The following LRP1B variants were observed in gnomAD, a reference collection of about 807,000 sequenced individuals.
The protein encoded by LRP1B is LDL receptor related protein 1B, also known as low-density lipoprotein receptor-related protein 1B.
In LRP1B, 217 loss-of-function variants were observed where a neutral mutation model predicts 556.6. That is an observed-to-expected ratio of 0.39 (90% CI 0.35 to 0.44). The LOEUF (loss-of-function observed/expected upper bound fraction) is 0.44, where lower values mean the gene tolerates loss of function less well. LRP1B is among the 20% of genes least tolerant of loss of function. The pLI is 1.00. For missense variants in LRP1B, 5,053 were observed against 5,620.8 expected (o/e 0.90, Z 3.23); for synonymous variants, 2,047 against 1,865.8 (o/e 1.10, Z -2.50).
intron 1 of LRP1B, among the ~76,000 whole-genome samples, chr2:141,876,206 A>G (rs547378288): frequency 6.6e-6 from 1 of 152,122 alleles, no homozygotes; most frequent in East Asian, 1.9e-4. Flanking sequence ...GCTTAGCTAG[A>G]AAGTTTGAGC....
At chr2:140,981,205 C>T (rs1179573153) in intron 18 of LRP1B, among the ~76,000 whole-genome samples, 4 of 151,586 alleles carry the variant, frequency 2.6e-5, no homozygotes, top group Admixed American at 2.0e-4. Flanking sequence ...AATAACTTAC[C>T]CATATAACCA....
intron 27 of LRP1B, among the ~76,000 whole-genome samples, chr2:140,855,319 C>T (rs1277743225): frequency 1.8e-4 from 1 of 5,596 alleles, no homozygotes; most frequent in East Asian, 0.033. Context: ...CCCTGCATTA[C>T]ATACAGTTGT....
chr2:140,626,786 A>G (rs1683679089), intron 41 of LRP1B, among the ~76,000 whole-genome samples: 1 of 151,536 alleles, frequency 6.6e-6, no homozygotes, highest in Non-Finnish European at 1.5e-5. Flanking sequence ...ATAAAAGATT[A>G]ATATATAAAA....
chr2:141,751,082 G>T lies in LRP1B; in HGVS notation c.205+59197C>A, dbSNP rs553762255. ...ATTTTTAACTCTCCCTTTCTGCAGA[G>T]AAAAAAAAGCTTTATTTATTTTTGT... On this transcript the variant is annotated intron_variant, in intron 2 of 90. Coordinates refer to ENST00000389484, the MANE Select transcript of LRP1B (RefSeq NM_018557.3). Among the ~76,000 whole-genome samples, 7 of 150,970 alleles carry T rather than the reference G, an allele frequency of 4.6e-5. No individual in the cohort carries two copies. In the South Asian group the frequency reaches 6.3e-4, roughly 14 times the overall value.
chr2:141,553,668 CAT>C (rs1396119301), intron 2 of LRP1B, among the ~76,000 whole-genome samples: 3 of 141,938 alleles, frequency 2.1e-5, no homozygotes, highest in Non-Finnish European at 3.0e-5. Flanking sequence ...TTATATATAA[CAT>C]ATAGATATAT....
intron 5 of LRP1B, among the ~76,000 whole-genome samples, chr2:141,244,714 T>G (rs1177794308): frequency 6.6e-6 from 1 of 152,112 alleles, no homozygotes; most frequent in Non-Finnish European, 1.5e-5. Flanking sequence ...AAACAGGCAG[T>G]TTTTCTCTTA....
chr2:140,267,088 T>C (rs1682239085), intron 86 of LRP1B, among the ~76,000 whole-genome samples: 1 of 152,044 alleles, frequency 6.6e-6, no homozygotes, highest in Non-Finnish European at 1.5e-5. Context: ...ATAATAATAC[T>C]ACTTATGTGT....
At chr2:140,871,541 G>A (rs1290869064) in intron 25 of LRP1B, among the ~76,000 whole-genome samples, 1 of 152,084 alleles carries the variant, frequency 6.6e-6, no homozygotes, top group East Asian at 1.9e-4. Flanking sequence ...ATGATTCAGG[G>A]CAAGAGATCA....
At chr2:141,784,166 C>A (rs999879449) in intron 2 of LRP1B, among the ~76,000 whole-genome samples, 9 of 151,892 alleles carry the variant, frequency 5.9e-5, no homozygotes, top group Non-Finnish European at 4.4e-5. Context: ...GAAACTGCAA[C>A]AAATAACAAT....
chr2:141,975,642 TTGTC>T (rs1402555844), intron 1 of LRP1B, among the ~76,000 whole-genome samples: 1 of 152,122 alleles, frequency 6.6e-6, no homozygotes, highest in East Asian at 1.9e-4. Flanking sequence ...GTGGCTGAAT[TTGTC>T]TTTTTCTATT....
rs1250138707 is a variant in LRP1B, at chr2:140,231,474, G to T, written c.*1712C>A. The T allele has an allele frequency of 6.6e-6, 1 of 151,624 alleles. No homozygotes were observed. The highest frequency in any genetic ancestry group is 1.5e-5 in the Non-Finnish European group (1 of 67,542). 9.4% of individuals were successfully genotyped at this position (151,624 alleles called of 1,614,324 possible). A position where few individuals can be genotyped will look rare whatever the true frequency, so the allele number is the denominator to read the frequency against. Reference sequence around the variant, plus strand: ...AAGTCAGTCAACAATTTTTTATAAAGTATTTAACACTTCATTGTAGAAACA... The same window carrying T: ...AAGTCAGTCAACAATTTTTTATAAATTATTTAACACTTCATTGTAGAAACA... On this transcript the variant is annotated 3_prime_UTR_variant, in exon 91 of 91. Coordinates refer to ENST00000389484, the MANE Select transcript of LRP1B (RefSeq NM_018557.3).
chr2:141,248,393 G>A (rs151099450), intron 4 of LRP1B, among the ~76,000 whole-genome samples: 1 of 152,170 alleles, frequency 6.6e-6, no homozygotes, highest in Non-Finnish European at 1.5e-5. Flanking sequence ...GGGTATACTC[G>A]AGTTATGATA....
chr2:140,517,407 C>A (rs2104941037), intron 49 of LRP1B, among the ~76,000 whole-genome samples: 1 of 152,176 alleles, frequency 6.6e-6, no homozygotes, highest in South Asian at 2.1e-4. Context: ...ATTCCATATT[C>A]ATAGCACAAA....
At chr2:140,678,012 C>T (rs1036867016) in intron 41 of LRP1B, among the ~76,000 whole-genome samples, 4 of 151,892 alleles carry the variant, frequency 2.6e-5, no homozygotes, top group African/African-American at 7.3e-5. Context: ...GAAACTAGGA[C>T]ATGCAGTGCT....
intron 43 of LRP1B, among the ~76,000 whole-genome samples, chr2:140,578,479 C>G (rs907491034): frequency 6.6e-6 from 1 of 152,198 alleles, no homozygotes; most frequent in African/African-American, 2.4e-5. Context: ...GCCACCCTGG[C>G]CTCCTTCTAC....
chr2:140,712,041 T>C (rs1687047182), intron 37 of LRP1B, among the ~76,000 whole-genome samples: 2 of 152,162 alleles, frequency 1.3e-5, no homozygotes, highest in Admixed American at 1.3e-4. Flanking sequence ...AGATGCTGTT[T>C]ACCATTTCTG....
intron 3 of LRP1B, among the ~76,000 whole-genome samples, chr2:141,463,360 C>G (rs1681991426): frequency 6.6e-6 from 1 of 151,146 alleles, no homozygotes; most frequent in Admixed American, 6.6e-5. Flanking sequence ...GAAACTATTA[C>G]ATGCCACAAA....
chr2:141,241,279 G>A (rs907546723), intron 5 of LRP1B, among the ~76,000 whole-genome samples: 21 of 152,044 alleles, frequency 1.4e-4, no homozygotes, highest in South Asian at 2.1e-4. Flanking sequence ...CTACCGGTCC[G>A]GGATTCCAAA....
intron 1 of LRP1B, among the ~76,000 whole-genome samples, chr2:142,073,705 T>C (rs1256185517): frequency 3.9e-5 from 6 of 151,970 alleles, no homozygotes; most frequent in Non-Finnish European, 7.4e-5. Context: ...GTAATCCCCA[T>C]TGTTGGAGAT....
Sources: allele counts gnomAD v4.1 joint callset (sites outside exome capture counted in the v4.1 genomes callset), GRCh38; gene constraint gnomAD v4.1.1; transcripts MANE v1.5; gene names NCBI Gene and HGNC (gene_info 2026-07-23, HGNC 2026-07-21).